Variants in TRPC7 observed in about 807,000 individuals in gnomAD.
The protein encoded by TRPC7 is short transient receptor potential channel 7.
A neutral mutation model predicts 90.1 loss-of-function variants in TRPC7; 42 were observed. The ratio of observed to expected loss-of-function variants is 0.47; its 90% CI spans 0.36 to 0.60. The LOEUF is 0.60. Ranked by LOEUF, TRPC7 falls within the 20% of genes least tolerant of loss-of-function variation. The probability of loss-of-function intolerance (pLI) is 0.00; values close to 1 mark genes in which losing one functional copy is unlikely to be tolerated. For synonymous variants in TRPC7, 451 were observed against 436.3 expected (o/e 1.03, Z -0.42); for missense variants, 955 against 1,112.3 (o/e 0.86, Z 2.01).
intron 3 of TRPC7, among the ~76,000 whole-genome samples, chr5:136,275,318 G>A (rs1757330094): frequency 6.6e-6 from 1 of 151,742 alleles, no homozygotes; most frequent in African/African-American, 2.4e-5. Flanking sequence ...ACCTCTCTGA[G>A]CTTTAATATT....
chr5:136,356,776 G>C lies in TRPC7; in HGVS notation c.612C>G (p.Thr204=), dbSNP rs1301951158. Residue 204 remains threonine, a synonymous_variant, in exon 2 of 12, where the codon ACC becomes ACG. Transcript: ENST00000513104. The part of the protein sequence containing the change: ...HDYFCKCNEC[T]EKQRKDSFSH... ...TGAAGGAGTCTTTCCGCTGTTTCTC[G>C]GTGCACTCATTGCACTTGCAGAAGT... 6.2e-7 allele frequency: 1 copy of C among 1,612,260 alleles called. No homozygotes were observed.
At chr5:136,299,340 C>CGTGTGTGTGTGT (rs529330866) in intron 3 of TRPC7, among the ~76,000 whole-genome samples, 4 of 122,688 alleles carry the variant, frequency 3.3e-5, no homozygotes, top group Non-Finnish European at 5.2e-5. Flanking sequence ...GGGGTGTGTG[C>CGTGTGTGTGTGT]GTGTGTGTGT....
At chr5:136,327,240 A>C (rs997971064) in intron 2 of TRPC7, among the ~76,000 whole-genome samples, 10 of 152,202 alleles carry the variant, frequency 6.6e-5, no homozygotes, top group Non-Finnish European at 1.5e-5. Flanking sequence ...CAACAATGAG[A>C]GATAATGGGT....
chr5:136,270,212 T>A (rs1243628630), intron 4 of TRPC7, among the ~76,000 whole-genome samples: 2 of 152,198 alleles, frequency 1.3e-5, no homozygotes, highest in Non-Finnish European at 2.9e-5. Flanking sequence ...CATGCAGCCA[T>A]TAAGTGCAGA....
At chr5:136,352,609 G>C (rs559583012) in intron 2 of TRPC7, among the ~76,000 whole-genome samples, 5 of 152,242 alleles carry the variant, frequency 3.3e-5, no homozygotes, top group African/African-American at 7.2e-5. Context: ...TCTACACAGA[G>C]AGCGCATATT....
intron 7 of TRPC7, among the ~76,000 whole-genome samples, chr5:136,233,949 G>A (rs1198536931): frequency 1.3e-5 from 2 of 152,166 alleles, no homozygotes; most frequent in African/African-American, 4.8e-5. Context: ...TGAAGAAACA[G>A]GCCTGGCTTA....
intron 4 of TRPC7, among the ~76,000 whole-genome samples, chr5:136,271,529 G>A (rs1308702369): frequency 6.6e-6 from 1 of 152,226 alleles, no homozygotes; most frequent in Non-Finnish European, 1.5e-5. Context: ...AGCTTAGGCA[G>A]CTATAAAGAC....
intron 10 of TRPC7, chr5:136,222,004 G>A (rs1755476099): frequency 6.6e-6 from 1 of 152,164 alleles, no homozygotes; most frequent in African/African-American, 2.4e-5. Context: ...ACAGATCACA[G>A]GGAGCTTGGG....
chr5:136,279,837 A>G (rs1278921018), intron 3 of TRPC7, among the ~76,000 whole-genome samples: 8 of 152,104 alleles, frequency 5.3e-5, no homozygotes, highest in Admixed American at 4.6e-4. Context: ...CCCCCTGTCT[A>G]TGTTCAAAGA....
chr5:136,280,294 G>A (rs979761192), intron 3 of TRPC7, among the ~76,000 whole-genome samples: 4 of 152,182 alleles, frequency 2.6e-5, no homozygotes, highest in Non-Finnish European at 5.9e-5. Flanking sequence ...GCAATCATGT[G>A]TCATAGGTCA....
intron 2 of TRPC7, among the ~76,000 whole-genome samples, chr5:136,329,428 G>A (rs927204836): frequency 3.9e-5 from 6 of 152,160 alleles, no homozygotes; most frequent in African/African-American, 1.4e-4. Flanking sequence ...GGTGATGTAA[G>A]TGCCTTGCGA....
At chr5:136,251,595 G>A (rs891991902) in intron 6 of TRPC7, 54 bp downstream of exon 6, 2 of 1,390,362 alleles carry the variant, frequency 1.4e-6, no homozygotes, top group Middle Eastern at 2.0e-4. Context: ...TGAAGCACCA[G>A]GCCCACGTCC....
At chr5:136,288,728 G>A (rs1344522782) in intron 3 of TRPC7, among the ~76,000 whole-genome samples, 1 of 152,156 alleles carries the variant, frequency 6.6e-6, no homozygotes, top group East Asian at 1.9e-4. Flanking sequence ...TGTCTGGGAG[G>A]GAGTCAATTA....
intron 6 of TRPC7, among the ~76,000 whole-genome samples, chr5:136,250,935 GA>G (rs1012032968): frequency 3.1e-4 from 47 of 152,250 alleles, no homozygotes; most frequent in African/African-American, 1.1e-3. Flanking sequence ...GTATTTTCTG[GA>G]AACATTATAA....
intron 6 of TRPC7, 125 bp downstream of exon 6, chr5:136,251,524 G>C (rs112731278): frequency 1.3e-6 from 1 of 771,442 alleles, no homozygotes; most frequent in African/African-American, 1.7e-5. Flanking sequence ...GCCAAAGTCG[G>C]CTGTGTTACA....
chr5:136,272,968 A>T (rs1757253184), intron 4 of TRPC7, among the ~76,000 whole-genome samples: 2 of 152,334 alleles, frequency 1.3e-5, no homozygotes, highest in African/African-American at 4.8e-5. Context: ...TAAACAATTT[A>T]GTCAGCAACT....
At chr5:136,332,299 T>A (rs746437260) in intron 2 of TRPC7, among the ~76,000 whole-genome samples, 1 of 151,808 alleles carries the variant, frequency 6.6e-6, no homozygotes, top group Non-Finnish European at 1.5e-5. Flanking sequence ...CAGGAAGAGA[T>A]GAGGCTAAGG....
chr5:136,335,992 C>G (rs191098471), intron 2 of TRPC7, among the ~76,000 whole-genome samples: 258 of 151,892 alleles, frequency 1.7e-3, no homozygotes, highest in Middle Eastern at 6.9e-3. Flanking sequence ...TAACATCAAC[C>G]CCCTTCCCAC....
chr5:136,267,329 C>T (rs1369999255), intron 4 of TRPC7, among the ~76,000 whole-genome samples: 1 of 152,196 alleles, frequency 6.6e-6, no homozygotes, highest in Non-Finnish European at 1.5e-5. Flanking sequence ...ACTCTTCCAG[C>T]TCATTGCCCT....
Sources: allele counts gnomAD v4.1 joint callset (sites outside exome capture counted in the v4.1 genomes callset), GRCh38; gene constraint gnomAD v4.1.1; transcripts MANE v1.5; gene names NCBI Gene and HGNC (gene_info 2026-07-23, HGNC 2026-07-21).